The following BIRC6 variants were observed in gnomAD, a reference collection of about 807,000 sequenced individuals.
BIRC6 encodes baculoviral IAP repeat containing 6, also known as dual E2 ubiquitin-conjugating enzyme/E3 ubiquitin-protein ligase BIRC6.
In BIRC6, 98 loss-of-function variants were observed where a neutral mutation model predicts 503.3. The observed-to-expected ratio is 0.19, with a 90% CI of 0.17 to 0.23. BIRC6 has a LOEUF of 0.23. Ranked by LOEUF, BIRC6 falls within the 10% of genes least tolerant of loss-of-function variation. The pLI, the probability that BIRC6 is intolerant of heterozygous loss-of-function variation, is 1.00. For missense variants in BIRC6, 5,360 were observed against 5,806.0 expected (o/e 0.92, Z 2.50); for synonymous variants, 2,240 against 2,078.7 (o/e 1.08, Z -2.11).
At chr2:32,362,076 T>C (rs535049241) in intron 1 of BIRC6, among the ~76,000 whole-genome samples, 4 of 152,210 alleles carry the variant, frequency 2.6e-5, no homozygotes, top group Non-Finnish European at 5.9e-5. Context: ...GGGTTGCATG[T>C]GAGAGTATGT....
Position 32,401,593 on chromosome 2 carries a change from G to T in BIRC6, c.1388G>T (p.Cys463Phe). 1 of 1,613,682 alleles carries T rather than the reference G, an allele frequency of 6.2e-7. No homozygotes were observed. The highest frequency in any genetic ancestry group is 8.5e-7 in the Non-Finnish European group (1 of 1,179,834). ...TLAWLEDSSSCSDIPKLEGDS... is the reference protein window; with the variant it reads ...TLAWLEDSSSFSDIPKLEGDS... ...GCGTGGCTGGAGGACTCCTCTAGTT[G>T]CTCAGATATACCAAAATTGGAAGGA... Residue 463 changes from cysteine (C) to phenylalanine (F), a missense_variant, in exon 8 of 74, where the codon TGC becomes TTC. Transcript: ENST00000421745.
In BIRC6 at chr2:32,444,768, T is replaced by C. The variant is rs544874265; in HGVS notation, c.4337-753T>C. Among the ~76,000 whole-genome samples, 4 of 152,294 alleles carry C rather than the reference T, an allele frequency of 2.6e-5. 1 individual carries two copies. Among genetic ancestry groups the C allele is most frequent in the Admixed American group, 2.6e-4 (4 of 15,296 alleles). ...TCTTTGTGTTAAACAAAAAAAATGCTTGTTTAGAGTTGTTGAAAAGTTATA... is the reference window on the plus strand; with the variant it reads ...TCTTTGTGTTAAACAAAAAAAATGCCTGTTTAGAGTTGTTGAAAAGTTATA... On this transcript the variant is annotated intron_variant, in intron 20 of 73. Coordinates refer to ENST00000421745, the MANE Select transcript of BIRC6 (RefSeq NM_016252.4).
intron 59 of BIRC6, chr2:32,529,376 A>T (rs141010991): frequency 5.9e-4 from 174 of 293,898 alleles, no homozygotes; most frequent in African/African-American, 3.4e-3. Flanking sequence ...TATAGAAAAA[A>T]ATGTCCCACA....
intron 21 of BIRC6, among the ~76,000 whole-genome samples, chr2:32,448,351 C>G (rs1452008137): frequency 2.1e-5 from 3 of 142,008 alleles, no homozygotes; most frequent in Admixed American, 1.4e-4. Context: ...TGCACTCCAG[C>G]CTTGGCACCA....
intron 33 of BIRC6, among the ~76,000 whole-genome samples, chr2:32,473,707 G>A (rs188543093): frequency 0.062 from 662 of 10,662 alleles, 7 homozygotes; most frequent in African/African-American, 0.18. Flanking sequence ...CTCCTTTTTC[G>A]TGTGTGTGTG....
intron 66 of BIRC6, among the ~76,000 whole-genome samples, chr2:32,585,751 C>T (rs954131421): frequency 6.6e-6 from 1 of 152,080 alleles, no homozygotes; most frequent in Non-Finnish European, 1.5e-5. Context: ...GAAAATAAGC[C>T]AATCTGCCCT....
rs182470844 is a variant in BIRC6 at position 32,435,978 on chromosome 2, G to C, written c.3500-75G>C. 8.1e-3 allele frequency: 7,051 copies of C among 870,526 alleles called. 34 individuals are homozygous for C. Among genetic ancestry groups the C allele is most frequent in the Middle Eastern group, 0.011 (29 of 2,732 alleles). 53.9% of individuals were successfully genotyped at this position (870,526 alleles called of 1,614,324 possible). A position where few individuals can be genotyped will look rare whatever the true frequency, so the allele number is the denominator to read the frequency against. Reference sequence around the variant, plus strand: ...TGTGTGGTGGTATTATATGTAAATGGGATGATATTTGCTTATTAAATATTA... The same window carrying C: ...TGTGTGGTGGTATTATATGTAAATGCGATGATATTTGCTTATTAAATATTA... On this transcript the variant is annotated intron_variant, in intron 14 of 73. Transcript: ENST00000421745.
intron 21 of BIRC6, among the ~76,000 whole-genome samples, chr2:32,447,543 T>G (rs2148478291): frequency 9.8e-6 from 1 of 102,544 alleles, no homozygotes; most frequent in Non-Finnish European, 1.9e-5. Flanking sequence ...CACTTCCCAG[T>G]AGGGGCGGCC....
chr2:32,384,324 T>A (rs934196258), intron 3 of BIRC6, among the ~76,000 whole-genome samples: 3 of 152,202 alleles, frequency 2.0e-5, no homozygotes, highest in Admixed American at 6.5e-5. Context: ...CATTGAGCTT[T>A]TCTGCCAGGC....
At chr2:32,474,722 A>G (rs1216572656) in intron 33 of BIRC6, among the ~76,000 whole-genome samples, 1 of 152,232 alleles carries the variant, frequency 6.6e-6, no homozygotes, top group African/African-American at 2.4e-5. Context: ...AAAATTAAAA[A>G]TGATTTTTTT....
At chr2:32,424,385 C>T (rs1189302927) in intron 10 of BIRC6, among the ~76,000 whole-genome samples, 2 of 152,028 alleles carry the variant, frequency 1.3e-5, no homozygotes, top group African/African-American at 4.8e-5. Flanking sequence ...TGGGTTGTTT[C>T]CACATTTTGG....
intron 49 of BIRC6, 85 bp from the exon 50 acceptor site, chr2:32,504,920 A>C: frequency 8.4e-7 from 1 of 1,194,186 alleles, no homozygotes; most frequent in East Asian, 2.6e-5. Context: ...TAATTTTTCT[A>C]GTTTAATTGT....
Position 32,442,168 on chromosome 2 carries a change from A to G in BIRC6, c.4048A>G (p.Ser1350Gly), listed in dbSNP as rs1315085594. ...TGGCCAGATCACAGAACATGCCCAG[A>G]GCCTTGTGTTGGATACTCTCTGTTG... is the stretch of plus-strand genomic sequence containing the variant. ...DDGQITEHAQ[S>G]LVLDTLCWLA... Residue 1350 changes from serine to glycine, a missense_variant, in exon 18 of 74, where the codon AGC becomes GGC. By Grantham distance (56) the Ser-to-Gly change is moderately conservative. Around this residue, in one of 16 missense-constraint regions of BIRC6, gnomAD observed 2,299 missense variants for 2,267.2 expected, o/e 1.01. Coordinates refer to ENST00000421745, the MANE Select transcript of BIRC6 (RefSeq NM_016252.4). 1.2e-6 allele frequency: 2 copies of G among 1,611,476 alleles called. No homozygotes were observed. Among genetic ancestry groups the G allele is most frequent in the Middle Eastern group, 1.7e-4 (1 of 6,046 alleles).
chr2:32,378,403 C>T (rs7582797), intron 2 of BIRC6, among the ~76,000 whole-genome samples: 4,763 of 151,506 alleles, frequency 0.031, 157 homozygotes, highest in African/African-American at 0.086. Context: ...TTCTTTCTTT[C>T]TTTTTTTTAA....
chr2:32,541,539 C>G (rs777781834), intron 61 of BIRC6, among the ~76,000 whole-genome samples: 1 of 152,022 alleles, frequency 6.6e-6, no homozygotes, highest in Non-Finnish European at 1.5e-5. Context: ...ACAGAGTTAC[C>G]TATCAGTCTA....
intron 65 of BIRC6, among the ~76,000 whole-genome samples, chr2:32,553,390 T>A (rs548076104): frequency 6.6e-6 from 1 of 151,818 alleles, no homozygotes; most frequent in African/African-American, 2.4e-5. Context: ...GAGACTTATT[T>A]TTTTATTTTA....
chr2:32,414,779 A>G lies in BIRC6; in HGVS notation c.1488A>G (p.Ser496=), dbSNP rs1170584305. 3 of 1,612,172 alleles carry G rather than the reference A, an allele frequency of 1.9e-6. No homozygotes were observed. Among genetic ancestry groups the G allele is most frequent in the Non-Finnish European group, 2.5e-6 (3 of 1,178,580 alleles). ...TGTTCCTTTTTAAAGGGCATACATCACAGAAGGAAGCCATGGAAGTAAGCC... is the reference window on the plus strand; with the variant it reads ...TGTTCCTTTTTAAAGGGCATACATCGCAGAAGGAAGCCATGGAAGTAAGCC... ...SRSDSVTGHT[S]QKEAMEVSLD... Residue 496 remains serine, a synonymous_variant, in exon 10 of 74, where the codon TCA becomes TCG. Transcript: ENST00000421745.
At chr2:32,386,406 G>A (rs996683693) in intron 3 of BIRC6, among the ~76,000 whole-genome samples, 3 of 151,496 alleles carry the variant, frequency 2.0e-5, no homozygotes, top group African/African-American at 7.3e-5. Context: ...AGGGGACGAG[G>A]TCATTTGATT....
intron 56 of BIRC6, among the ~76,000 whole-genome samples, 172 bp downstream of exon 56, chr2:32,518,569 G>A (rs1440630983): frequency 1.3e-5 from 2 of 152,120 alleles, no homozygotes; most frequent in Non-Finnish European, 2.9e-5. Flanking sequence ...TCTCCCTCAT[G>A]CCTAGGAATA....
Sources: allele counts gnomAD v4.1 joint callset (sites outside exome capture counted in the v4.1 genomes callset), GRCh38; gene constraint gnomAD v4.1.1; regional missense constraint gnomAD v4.1.1; transcripts MANE v1.5; gene names NCBI Gene and HGNC (gene_info 2026-07-23, HGNC 2026-07-21).